The following XRCC4 variants were observed in gnomAD, a reference collection of about 807,000 sequenced individuals.
The protein encoded by XRCC4 is X-ray repair cross complementing 4.
Under a neutral mutation model 39.1 loss-of-function variants are expected in XRCC4, and 28 were observed. That is an observed-to-expected ratio of 0.72 (90% confidence interval 0.53 to 0.98). The LOEUF (loss-of-function observed/expected upper bound fraction) is 0.98, where lower values mean the gene tolerates loss of function less well. Among genes scored for constraint, XRCC4 ranks in the 50% least tolerant of loss-of-function variants. The pLI is 0.00. For missense variants in XRCC4, 350 were observed against 376.4 expected (o/e 0.93, Z 0.58); for synonymous variants, 123 against 126.4 (o/e 0.97, Z 0.18).
intron 7 of XRCC4, among the ~76,000 whole-genome samples, chr5:83,262,062 TAGA>T (rs1265519877): frequency 2.6e-5 from 4 of 152,158 alleles, no homozygotes; most frequent in Admixed American, 6.6e-5. Context: ...TGACAAGGTA[TAGA>T]AGGAGAGAGA....
chr5:83,173,734 G>A (rs1443981159), intron 3 of XRCC4, among the ~76,000 whole-genome samples: 2 of 152,124 alleles, frequency 1.3e-5, no homozygotes, highest in Admixed American at 6.5e-5. Flanking sequence ...TAGAATATTA[G>A]ATCTGTCCAG....
intron 7 of XRCC4, among the ~76,000 whole-genome samples, chr5:83,263,057 A>C (rs1053995782): frequency 7.3e-6 from 1 of 136,592 alleles, no homozygotes; most frequent in African/African-American, 2.8e-5. Flanking sequence ...ATGTGATCTC[A>C]TTGTTCAACT....
intron 7 of XRCC4, among the ~76,000 whole-genome samples, chr5:83,279,074 TATA>T (rs1297800452): frequency 7.6e-5 from 11 of 145,026 alleles, no homozygotes; most frequent in South Asian, 4.2e-4. Flanking sequence ...TATAATAAAA[TATA>T]ATATATTATA....
At chr5:83,187,349 A>G (rs1160357736) in intron 3 of XRCC4, among the ~76,000 whole-genome samples, 1 of 152,216 alleles carries the variant, frequency 6.6e-6, no homozygotes, top group Non-Finnish European at 1.5e-5. Context: ...ATTTATGTGA[A>G]TACATTGGGC....
intron 7 of XRCC4, among the ~76,000 whole-genome samples, chr5:83,345,518 T>G (rs1170992418): frequency 6.6e-6 from 1 of 152,126 alleles, no homozygotes; most frequent in Non-Finnish European, 1.5e-5. Flanking sequence ...TTGTCAAAAG[T>G]CAAAACAAGC....
At chr5:83,154,282 A>C (rs1243786898) in intron 3 of XRCC4, among the ~76,000 whole-genome samples, 1 of 152,152 alleles carries the variant, frequency 6.6e-6, no homozygotes, top group Admixed American at 6.6e-5. Context: ...AACTTAGGGA[A>C]AAAAAAGGTT....
chr5:83,132,935 A>G (rs1302164266), intron 3 of XRCC4, among the ~76,000 whole-genome samples: 1 of 152,048 alleles, frequency 6.6e-6, no homozygotes, highest in Admixed American at 6.6e-5. Context: ...GCTGACGAGG[A>G]GCTGCATTCC....
At chr5:83,312,831 C>G (rs959412137) in intron 7 of XRCC4, among the ~76,000 whole-genome samples, 1 of 152,010 alleles carries the variant, frequency 6.6e-6, no homozygotes, top group Non-Finnish European at 1.5e-5. Context: ...CTAAGATGCA[C>G]GTAGTTGCTA....
intron 1 of XRCC4, among the ~76,000 whole-genome samples, chr5:83,079,160 T>C (rs1476700867): frequency 6.6e-6 from 1 of 152,258 alleles, no homozygotes; most frequent in Non-Finnish European, 1.5e-5. Context: ...TATCTATATA[T>C]TTTAATTAAT....
intron 7 of XRCC4, among the ~76,000 whole-genome samples, chr5:83,334,074 T>G (rs979620147): frequency 6.6e-6 from 1 of 151,956 alleles, no homozygotes; most frequent in East Asian, 1.9e-4. Context: ...AGCCTAAACC[T>G]TTTTTTTCTT....
At chr5:83,303,394 G>A (rs1036957527) in intron 7 of XRCC4, among the ~76,000 whole-genome samples, 5 of 152,052 alleles carry the variant, frequency 3.3e-5, no homozygotes, top group Non-Finnish European at 7.4e-5. Flanking sequence ...CAAAACATTT[G>A]TACATTTGTA....
At chr5:83,283,306 C>T (rs996816996) in intron 7 of XRCC4, among the ~76,000 whole-genome samples, 1 of 152,170 alleles carries the variant, frequency 6.6e-6, no homozygotes, top group African/African-American at 2.4e-5. Context: ...GAGCTGGGAC[C>T]TCATGGTCTT....
Position 83,138,081 on chromosome 5 carries a change from G to T in XRCC4, c.315+26878G>T, listed in dbSNP as rs545356603. 1.7e-3 allele frequency among the ~76,000 whole-genome samples: 260 copies of T among 152,248 alleles called. 1 individual carries two copies. Among genetic ancestry groups the T allele is most frequent in the Middle Eastern group, 6.8e-3 (2 of 294 alleles). ...TAGATTAATAATGCTAACTCACAGG[G>T]TTTTATGCTTGTGGACTGTGCTTGT... On this transcript the variant is annotated intron_variant, in intron 3 of 7. Transcript: ENST00000396027.
At position 83,195,696 on chromosome 5, in the gene XRCC4, T is replaced by C. The variant is rs1580355627; in HGVS notation, c.316-74T>C. Reference sequence around the variant, plus strand: ...TACACTTTTTTATTCTCAGAAGAAATTGTGTATGCTTAAAACCAGGCTTCT... The same window carrying C: ...TACACTTTTTTATTCTCAGAAGAAACTGTGTATGCTTAAAACCAGGCTTCT... On this transcript the variant is annotated intron_variant, in intron 3 of 7. Transcript: ENST00000396027. 5.3e-6 allele frequency: 7 copies of C among 1,312,496 alleles called. No homozygotes were observed. The East Asian group carries it at 1.4e-4, about 27-fold the overall frequency. 81.3% of individuals were successfully genotyped at this position (1,312,496 alleles called of 1,614,324 possible). A position where few individuals can be genotyped will look rare whatever the true frequency, so the allele number is the denominator to read the frequency against.
chr5:83,079,575 G>A (rs144794668), intron 1 of XRCC4, among the ~76,000 whole-genome samples: 89 of 152,140 alleles, frequency 5.8e-4, no homozygotes, highest in African/African-American at 2.0e-3. Flanking sequence ...GTTGCCCAGG[G>A]TGGAGTGCAG....
chr5:83,374,319 G>A, the XRCC4 span, among the ~76,000 whole-genome samples: 1 of 152,178 alleles, frequency 6.6e-6, no homozygotes, highest in African/African-American at 2.4e-5. Flanking sequence ...CACAAGATCT[G>A]ATGATTTTAT....
chr5:83,079,332 G>A (rs1422606386), intron 1 of XRCC4, among the ~76,000 whole-genome samples: 3 of 152,084 alleles, frequency 2.0e-5, no homozygotes, highest in Admixed American at 6.5e-5. Context: ...TTAATCTGAC[G>A]TGGTGAGTTT....
intron 3 of XRCC4, among the ~76,000 whole-genome samples, chr5:83,134,047 G>A (rs776834636): frequency 3.9e-5 from 6 of 152,234 alleles, no homozygotes; most frequent in African/African-American, 7.2e-5. Flanking sequence ...AGTCTTCACG[G>A]CCGGCTAGCT....
At chr5:83,277,855 T>A (rs1580456818) in intron 7 of XRCC4, among the ~76,000 whole-genome samples, 1 of 152,250 alleles carries the variant, frequency 6.6e-6, no homozygotes, top group East Asian at 1.9e-4. Flanking sequence ...ATACATTCTT[T>A]GATGATTTTG....
Sources: allele counts gnomAD v4.1 joint callset (sites outside exome capture counted in the v4.1 genomes callset), GRCh38; gene constraint gnomAD v4.1.1; transcripts MANE v1.5; gene names NCBI Gene and HGNC (gene_info 2026-07-23, HGNC 2026-07-21).